The following EP400 variants were observed in gnomAD, a reference collection of about 807,000 sequenced individuals.
The protein encoded by EP400 is E1A binding protein p400.
A neutral mutation model predicts 354.1 loss-of-function variants in EP400; 105 were observed. That is an observed-to-expected ratio of 0.30 (90% CI 0.25 to 0.35). The LOEUF (loss-of-function observed/expected upper bound fraction) is 0.35. EP400 is among the 10% of genes least tolerant of loss of function. The pLI is 1.00. For missense variants in EP400, 3,280 were observed against 4,121.0 expected (o/e 0.80, Z 5.59); for synonymous variants, 1,646 against 1,716.9 (o/e 0.96, Z 1.02).
rs1431631367 is a variant in EP400, at chr12:131,994,795, T to TA, written c.2738-71dup. The stretch of plus-strand genomic sequence containing the variant: ...GCTATGCAAAATAATTTCGAAGCCT[T>TA]ATAGTGTGTAATGAGTAACAGACAC... On this transcript the variant is annotated intron_variant, in intron 11 of 52. Coordinates refer to ENST00000389561, the MANE Select transcript of EP400 (RefSeq NM_015409.5). The surrounding 1 kb of genome is among the most constrained non-coding windows in gnomAD (Gnocchi z 4.6). 2.3e-6 allele frequency: 3 copies of TA among 1,322,536 alleles called. No individual in the cohort carries two copies. The African/African-American group carries it at 4.4e-5, about 19-fold the overall frequency. 81.9% of individuals were successfully genotyped at this position (1,322,536 alleles called of 1,614,324 possible). A position where few individuals can be genotyped will look rare whatever the true frequency, so the allele number is the denominator to read the frequency against.
chr12:131,993,532 G>A (rs985508336), intron 11 of EP400, among the ~76,000 whole-genome samples: 12 of 152,174 alleles, frequency 7.9e-5, no homozygotes, highest in African/African-American at 2.9e-4. Context: ...TGACCTCTCC[G>A]CTTTCCTTAT....
At chr12:132,026,744 C>A (rs1445975802) in intron 25 of EP400, among the ~76,000 whole-genome samples, 1 of 152,114 alleles carries the variant, frequency 6.6e-6, no homozygotes, top group African/African-American at 2.4e-5. Context: ...GCTCAGACAC[C>A]CCCACCCCCA....
chr12:132,014,343 G>A (rs539975989), intron 19 of EP400, among the ~76,000 whole-genome samples: 20 of 152,312 alleles, frequency 1.3e-4, no homozygotes, highest in Admixed American at 2.6e-4. Context: ...GCAATGAGTC[G>A]TGCGTTGCAT....
In EP400 at chr12:132,043,374, A is replaced by G; in HGVS notation, c.6278A>G (p.His2093Arg). The G allele has an allele frequency of 6.2e-7, 1 of 1,614,062 alleles. No homozygotes were observed. The highest frequency in any genetic ancestry group is 8.5e-7 in the Non-Finnish European group (1 of 1,180,040). Residue 2093 changes from histidine (H) to arginine (R), a missense_variant, in exon 33 of 53, where the codon CAC (histidine) becomes CGC (arginine). By Grantham distance (29) the His-to-Arg change is conservative. This residue lies in a region of EP400 where 54 missense variants were observed against 41.3 expected (regional missense o/e 1.31). Transcript: ENST00000389561. ...GCACAGGAGGGGGTGCTGGGACCAC[A>G]CACTGATGCTCTGTCATCAGACTCT... The part of the protein sequence containing the change: ...KSAQEGVLGP[H>R]TDALSSDSEN...
chr12:131,977,317 T>C (rs1419658054), intron 2 of EP400, among the ~76,000 whole-genome samples: 2 of 151,514 alleles, frequency 1.3e-5, no homozygotes, highest in African/African-American at 4.8e-5. Flanking sequence ...TTTTTTTTTT[T>C]TGTATTTTTA....
At chr12:131,988,603 G>T (rs1226339135) in intron 7 of EP400, among the ~76,000 whole-genome samples, 1 of 152,132 alleles carries the variant, frequency 6.6e-6, no homozygotes, top group Non-Finnish European at 1.5e-5. Flanking sequence ...CCTAACTGTT[G>T]CCAAAGCAGG....
chr12:132,039,523 G>C (rs1368439705), intron 32 of EP400, among the ~76,000 whole-genome samples: 2 of 152,120 alleles, frequency 1.3e-5, no homozygotes, highest in African/African-American at 4.8e-5. Flanking sequence ...ATCCACCCGT[G>C]ACCCAAACCT....
intron 2 of EP400, among the ~76,000 whole-genome samples, chr12:131,970,958 C>T (rs529112184): frequency 4.3e-4 from 66 of 152,206 alleles, no homozygotes; most frequent in Non-Finnish European, 7.8e-4. Context: ...AGTCCCAGCA[C>T]TTGGAGAGGC....
At chr12:131,965,555 C>T (rs975432680) in intron 2 of EP400, among the ~76,000 whole-genome samples, 9 of 152,128 alleles carry the variant, frequency 5.9e-5, no homozygotes, top group Admixed American at 3.3e-4. Flanking sequence ...TGAATTTTGA[C>T]GAATCCATTG....
chr12:132,011,191 G>T (rs1893752375), intron 15 of EP400, among the ~76,000 whole-genome samples: 4 of 152,136 alleles, frequency 2.6e-5, no homozygotes, highest in African/African-American at 9.7e-5. Context: ...ATCTTGGAGG[G>T]GTTTTCTGTG....
At chr12:132,016,082 C>T (rs576069865) in intron 19 of EP400, among the ~76,000 whole-genome samples, 4 of 152,322 alleles carry the variant, frequency 2.6e-5, no homozygotes, top group East Asian at 1.9e-4. Context: ...GCTTTAAGCT[C>T]CATCCCTTCT....
intron 32 of EP400, among the ~76,000 whole-genome samples, chr12:132,042,049 C>T (rs766560078): frequency 1.3e-5 from 2 of 150,874 alleles, no homozygotes; most frequent in Non-Finnish European, 2.9e-5. Context: ...CCTCCCAGGT[C>T]AAAGTGATCC....
At position 131,974,862 on chromosome 12, in the gene EP400, C is replaced by A. The variant is rs940003469; in HGVS notation, c.1336-4832C>A. 3.3e-5 allele frequency among the ~76,000 whole-genome samples: 5 copies of A among 151,652 alleles called. 1 individual carries two copies. The South Asian group carries it at 1.0e-3, about 32-fold the overall frequency. ...AAAATTAGCCGGGCTTGGTGGCAGG[C>A]GCCTGTAATTCCAGCTACTCGGGAG... is the stretch of plus-strand genomic sequence containing the variant. On this transcript the variant is annotated intron_variant, in intron 2 of 52. Transcript: ENST00000389561.
chr12:132,013,512 G>T lies in EP400; in HGVS notation c.3634G>T (p.Asp1212Tyr). 6.3e-7 allele frequency: 1 copy of T among 1,578,722 alleles called. No individual in the cohort carries two copies. Among genetic ancestry groups the T allele is most frequent in the Non-Finnish European group, 8.6e-7 (1 of 1,161,672 alleles). The change falls in exon 18 of 53, where the codon GAC (aspartate) becomes TAC (tyrosine). Residue 1212 changes from aspartate (D) to tyrosine (Y), a missense_variant. This residue lies in a region of EP400 where 242 missense variants were observed against 357.9 expected (regional missense o/e 0.68). Coordinates refer to ENST00000389561, the MANE Select transcript of EP400 (RefSeq NM_015409.5). The surrounding 1 kb of genome is among the most constrained non-coding windows in gnomAD (Gnocchi z 4.5). The part of the protein sequence containing the change: ...LQSQQRLLLI[D>Y]SPLHNTFLEL... ...CAGCCAACAACGTCTGCTTCTGATC[G>T]ACTCGCCGCTGCACAATACCTTCCT...
At chr12:132,074,554 C>G (rs766568245) in intron 51 of EP400, among the ~76,000 whole-genome samples, 6 of 152,326 alleles carry the variant, frequency 3.9e-5, no homozygotes, top group Non-Finnish European at 7.3e-5. Flanking sequence ...GAATCTCGGG[C>G]AGTCTCTCTC....
intron 51 of EP400, among the ~76,000 whole-genome samples, chr12:132,073,739 C>G (rs1315065431): frequency 1.3e-5 from 2 of 151,968 alleles, no homozygotes; most frequent in Non-Finnish European, 2.9e-5. Flanking sequence ...GCGTGAGCCA[C>G]CATGCCCAGC....
intron 12 of EP400, among the ~76,000 whole-genome samples, chr12:132,003,383 C>CA (rs1893482612): frequency 6.6e-6 from 1 of 152,194 alleles, no homozygotes; most frequent in African/African-American, 2.4e-5. Flanking sequence ...AGGTTACGTG[C>CA]AAATATACAT....
Position 132,053,504 on chromosome 12 carries a change from A to T in EP400, c.7635A>T (p.Gln2545His). 6.5e-7 allele frequency: 1 copy of T among 1,537,674 alleles called. No homozygotes were observed. The highest frequency in any genetic ancestry group is 2.4e-5 in the East Asian group (1 of 41,106). ...CAGGGCCACCAGCTGTCCAGCCCCA[A>T]CCCCAGCCACAGCCCCAGACCCAGC... ...PPAGPPAVQP[Q>H]PQPQPQTQPQ... is the part of the protein sequence containing the mutation. Residue 2545 changes from glutamine to histidine, a missense_variant, in exon 43 of 53, where the codon CAA (glutamine) becomes CAT (histidine). By Grantham distance (24) the Gln-to-His change is conservative (BLOSUM62 0). Coordinates refer to ENST00000389561, the MANE Select transcript of EP400 (RefSeq NM_015409.5).
rs530671549 is a variant in EP400 at position 132,031,024 on chromosome 12, GAGCAAAAGGTGATTTAACAA to G, written c.5754+867_5754+886del. 2.4e-3 allele frequency among the ~76,000 whole-genome samples: 372 copies of G among 152,338 alleles called. 4 individuals carry two copies. The highest frequency in any genetic ancestry group is 3.2e-3 in the Non-Finnish European group (221 of 68,030). ...CGCTGGAGAGGCCTAGAAAGAAATA[GAGCAAAAGGTGATTTAACAA>G]GTTTTCTTGGTAATATTATAGCAAA... On this transcript the variant is annotated intron_variant, in intron 29 of 52. Coordinates refer to ENST00000389561, the MANE Select transcript of EP400 (RefSeq NM_015409.5).
Sources: gnomAD v4.1 joint callset for allele counts (sites outside exome capture counted in the v4.1 genomes callset) on GRCh38, gnomAD v4.1.1 for gene constraint, gnomAD v4.1.1 regional missense constraint, Gnocchi (gnomAD v3.1) non-coding constraint, MANE v1.5 for transcripts, NCBI Gene and HGNC (gene_info 2026-07-23, HGNC 2026-07-21) for gene names.